Variants in SPECC1 observed in about 807,000 individuals in gnomAD.
SPECC1 encodes the protein cytospin-B.
In SPECC1, 62 loss-of-function variants were observed where a neutral mutation model predicts 104.1. The ratio of observed to expected loss-of-function variants is 0.60; its 90% CI spans 0.49 to 0.74. SPECC1 has a LOEUF of 0.74. Among genes scored for constraint, SPECC1 ranks in the 30% least tolerant of loss-of-function variants. The pLI, the probability that SPECC1 is intolerant of heterozygous loss-of-function variation, is 0.00. For synonymous variants in SPECC1, 513 were observed against 501.6 expected (o/e 1.02, Z -0.30); for missense variants, 1,306 against 1,310.5 (o/e 1.00, Z 0.05).
chr17:20,207,514 C>T (rs1000128787), intron 4 of SPECC1, among the ~76,000 whole-genome samples: 10 of 151,996 alleles, frequency 6.6e-5, no homozygotes, highest in African/African-American at 2.4e-4. Flanking sequence ...TTTATCAGTC[C>T]CTCTGTGTTT....
intron 13 of SPECC1, among the ~76,000 whole-genome samples, chr17:20,304,908 G>T (rs1397729555): frequency 6.6e-6 from 1 of 151,948 alleles, no homozygotes; most frequent in Non-Finnish European, 1.5e-5. Context: ...AGTCAGAATG[G>T]GCAAGAGGCC....
intron 3 of SPECC1, among the ~76,000 whole-genome samples, chr17:20,123,448 C>T (rs1447658696): frequency 6.6e-5 from 10 of 152,208 alleles, no homozygotes; most frequent in Admixed American, 6.5e-4. Flanking sequence ...ACCTGGACCC[C>T]TGCATGCTCC....
chr17:20,315,324 A>G lies in SPECC1; in HGVS notation c.*1259A>G. Reference sequence around the variant, plus strand: ...AAGAATGCAGTTGCCCCAGCATCCTACTGGTCACCTTAAGTGGCAGCAGAG... The same window carrying G: ...AAGAATGCAGTTGCCCCAGCATCCTGCTGGTCACCTTAAGTGGCAGCAGAG... On this transcript the variant is annotated 3_prime_UTR_variant, in exon 15 of 15. Coordinates refer to ENST00000395527, the MANE Select transcript of SPECC1 (RefSeq NM_001243439.2). 1 of 232,810 alleles carries G rather than the reference A, an allele frequency of 4.3e-6. No homozygotes were observed. Among genetic ancestry groups the G allele is most frequent in the Non-Finnish European group, 8.5e-6 (1 of 117,792 alleles). 14.4% of individuals were successfully genotyped at this position (232,810 alleles called of 1,614,324 possible). A position where few individuals can be genotyped will look rare whatever the true frequency, so the allele number is the denominator to read the frequency against.
chr17:20,095,902 G>A (rs1007853124), intron 1 of SPECC1: 1 of 152,564 alleles, frequency 6.6e-6, no homozygotes, highest in Non-Finnish European at 1.5e-5. Flanking sequence ...AGAAACAGAG[G>A]CTCTGAGAGG....
chr17:20,097,376 G>A (rs1004812489), intron 2 of SPECC1, among the ~76,000 whole-genome samples: 1 of 152,168 alleles, frequency 6.6e-6, no homozygotes, highest in Non-Finnish European at 1.5e-5. Context: ...GCCCTGAGAT[G>A]AATTCATAGA....
At chr17:20,293,768 A>G (rs2041248678) in intron 12 of SPECC1, among the ~76,000 whole-genome samples, 2 of 152,138 alleles carry the variant, frequency 1.3e-5, no homozygotes, top group South Asian at 2.1e-4. Context: ...TGCTTAAACA[A>G]CCTGAGCTCC....
chr17:20,315,385 T>A lies in SPECC1; in HGVS notation c.*1320T>A. The stretch of plus-strand genomic sequence containing the variant: ...CGGTGCCCCAGTCCCTCAGAAGTGC[T>A]CAGTCCGGCCCGAGTGCCCATCTGG... On this transcript the variant is annotated 3_prime_UTR_variant, in exon 15 of 15. Transcript: ENST00000395527. The A allele has an allele frequency of 4.3e-6, 1 of 232,948 alleles. No homozygotes were observed. The highest frequency in any genetic ancestry group is 8.5e-6 in the Non-Finnish European group (1 of 117,886). 14.4% of individuals were successfully genotyped at this position (232,948 alleles called of 1,614,324 possible).
At chr17:20,235,343 CAT>C (rs1379358788) in intron 7 of SPECC1, among the ~76,000 whole-genome samples, 1 of 152,166 alleles carries the variant, frequency 6.6e-6, no homozygotes. Flanking sequence ...TCATTGGACA[CAT>C]ATAATGTAAT....
chr17:20,120,558 T>C (rs1567857854), intron 3 of SPECC1, among the ~76,000 whole-genome samples: 1 of 152,182 alleles, frequency 6.6e-6, no homozygotes, highest in Non-Finnish European at 1.5e-5. Context: ...CAGAGGAAAT[T>C]TCTTTTCACA....
At chr17:20,169,045 G>T (rs895729687) in intron 3 of SPECC1, among the ~76,000 whole-genome samples, 5 of 152,014 alleles carry the variant, frequency 3.3e-5, no homozygotes, top group Non-Finnish European at 1.5e-5. Flanking sequence ...GCTAATTTTT[G>T]TATTTTTTGT....
intron 1 of SPECC1, among the ~76,000 whole-genome samples, chr17:20,035,095 G>A (rs1056896745): frequency 4.6e-5 from 7 of 152,238 alleles, no homozygotes; most frequent in African/African-American, 1.7e-4. Context: ...AATCATTTGG[G>A]CATATTTGTG....
At chr17:20,107,285 T>C (rs1022412902) in intron 2 of SPECC1, among the ~76,000 whole-genome samples, 1 of 151,568 alleles carries the variant, frequency 6.6e-6, no homozygotes, top group Non-Finnish European at 1.5e-5. Context: ...TGTTTTGAAA[T>C]CTTGACCAAG....
intron 3 of SPECC1, chr17:20,111,806 CA>C (rs547474881): frequency 0.013 from 9,664 of 770,398 alleles, 254 homozygotes; most frequent in East Asian, 0.071. Flanking sequence ...ACTCAGGACC[CA>C]GGGGGGGGGC....
chr17:20,143,173 A>AG (rs1388068172), intron 3 of SPECC1, among the ~76,000 whole-genome samples: 3 of 102,504 alleles, frequency 2.9e-5, no homozygotes, highest in Non-Finnish European at 4.5e-5. Flanking sequence ...TATTCTTTAT[A>AG]GGAAAAAAAA....
chr17:20,095,056 A>G (rs1263868291), intron 1 of SPECC1, among the ~76,000 whole-genome samples: 1 of 152,226 alleles, frequency 6.6e-6, no homozygotes, highest in African/African-American at 2.4e-5. Context: ...TCTCTTCAAG[A>G]GTCACTCCGG....
chr17:20,110,857 C>A (rs1055919807), intron 3 of SPECC1, among the ~76,000 whole-genome samples: 1 of 151,812 alleles, frequency 6.6e-6, no homozygotes, highest in Non-Finnish European at 1.5e-5. Context: ...CCAAGCAGGG[C>A]GGCATATGTT....
At chr17:20,158,367 A>G (rs974648807) in intron 3 of SPECC1, among the ~76,000 whole-genome samples, 9 of 152,236 alleles carry the variant, frequency 5.9e-5, no homozygotes, top group Non-Finnish European at 1.5e-5. Flanking sequence ...TATCCAAGAC[A>G]GACAATAGGG....
At chr17:20,087,196 A>C (rs1456247909) in intron 1 of SPECC1, 1 of 152,236 alleles carries the variant, frequency 6.6e-6, no homozygotes, top group Non-Finnish European at 1.5e-5. Context: ...ATAGAAATGT[A>C]AAGTATTGTT....
intron 1 of SPECC1, among the ~76,000 whole-genome samples, chr17:20,041,000 T>G (rs1456298920): frequency 6.6e-6 from 1 of 151,868 alleles, no homozygotes; most frequent in Non-Finnish European, 1.5e-5. Context: ...CCTCACTCCT[T>G]CCCTCCCTCC....
Sources: allele counts gnomAD v4.1 joint callset (sites outside exome capture counted in the v4.1 genomes callset), GRCh38; gene constraint gnomAD v4.1.1; transcripts MANE v1.5; gene names NCBI Gene and HGNC (gene_info 2026-07-23, HGNC 2026-07-21).